GOSR2: variants seen among roughly 807,000 people sequenced by gnomAD.
GOSR2 encodes golgi SNAP receptor complex member 2, also known as 27 kDa Golgi SNARE protein.
In GOSR2, 20 loss-of-function variants were observed where a neutral mutation model predicts 27.9. The observed-to-expected ratio is 0.72, with a 90% CI of 0.50 to 1.04. The LOEUF is 1.04. GOSR2 is among the 50% of genes least tolerant of loss of function. GOSR2 has a pLI of 0.00. For synonymous variants in GOSR2, 91 were observed against 98.8 expected, an observed-to-expected ratio of 0.92 and a Z score of 0.47; for missense variants, 261 against 270.5, an observed-to-expected ratio of 0.97 and a Z score of 0.25.
intron 6 of GOSR2, among the ~76,000 whole-genome samples, chr17:46,959,702 T>C (rs1447181918): frequency 6.6e-6 from 1 of 152,200 alleles, no homozygotes; most frequent in Non-Finnish European, 1.5e-5. Context: ...AGGACATTTC[T>C]TGAGCATTTT....
At position 46,941,898 on chromosome 17, in the gene GOSR2, C is replaced by A; in HGVS notation, c.*3138C>A. ...ACTGTACCTGGCCTCTAAGGTGATT[C>A]TGATGTGTGTATTTTGGAACCACTG... On this transcript the variant is annotated 3_prime_UTR_variant, in exon 6 of 6. Transcript: ENST00000640051. The A allele has an allele frequency of 1.0e-6, 1 of 983,794 alleles. No individual in the cohort carries two copies. The highest frequency in any genetic ancestry group is 1.2e-6 in the Non-Finnish European group (1 of 828,508). 60.9% of individuals were successfully genotyped at this position (983,794 alleles called of 1,614,324 possible). A position where few individuals can be genotyped will look rare whatever the true frequency, so the allele number is the denominator to read the frequency against.
At chr17:46,924,716 G>C (rs2086232475) in intron 1 of GOSR2, among the ~76,000 whole-genome samples, 1 of 152,154 alleles carries the variant, frequency 6.6e-6, no homozygotes, top group Non-Finnish European at 1.5e-5. Context: ...CTTTTACACT[G>C]GGGAGCCCTA....
intron 2 of GOSR2, chr17:46,930,682 T>G (rs1359640032): frequency 7.0e-6 from 1 of 143,574 alleles, no homozygotes; most frequent in Non-Finnish European, 1.5e-5. Flanking sequence ...AAAAAAAAAC[T>G]CATTACTATA....
chr17:46,948,283 C>T (rs1327459766), intron 6 of GOSR2, among the ~76,000 whole-genome samples: 1 of 152,220 alleles, frequency 6.6e-6, no homozygotes, highest in Non-Finnish European at 1.5e-5. Context: ...AAAGTGCCTA[C>T]TGCACAGCCC....
chr17:46,970,690 G>A (rs1440564187), downstream of GOSR2, among the ~76,000 whole-genome samples: 3 of 152,180 alleles, frequency 2.0e-5, no homozygotes, highest in South Asian at 2.1e-4. Context: ...TCACGTGGAC[G>A]GGGGCTCAGA....
chr17:46,935,433 A>C (rs1370491504), intron 5 of GOSR2: 1 of 1,418,812 alleles, frequency 7.0e-7, no homozygotes, highest in African/African-American at 1.4e-5. Context: ...TGAACTTATC[A>C]TGAAAGTGAG....
chr17:46,935,421 A>G (rs1261647143), intron 5 of GOSR2: 2 of 1,423,560 alleles, frequency 1.4e-6, no homozygotes, highest in Non-Finnish European at 1.8e-6. Flanking sequence ...TTTCCCATTT[A>G]CTGAACTTAT....
At chr17:46,949,666 C>T (rs529467168) in intron 6 of GOSR2, among the ~76,000 whole-genome samples, 1 of 152,322 alleles carries the variant, frequency 6.6e-6, no homozygotes, top group South Asian at 2.1e-4. Flanking sequence ...CACACAGGTA[C>T]AAGGTGCTTA....
At chr17:46,930,495 G>T (rs992742187) in intron 2 of GOSR2, 1 of 152,836 alleles carries the variant, frequency 6.5e-6, no homozygotes, top group African/African-American at 2.4e-5. Flanking sequence ...TACCTCTGTG[G>T]ATTCTTTCCT....
intron 6 of GOSR2, among the ~76,000 whole-genome samples, chr17:46,949,700 A>G (rs1420219550): frequency 5.9e-5 from 9 of 152,352 alleles, no homozygotes; most frequent in Non-Finnish European, 1.0e-4. Context: ...AGTAGTATCT[A>G]CTTACCCTGG....
chr17:46,927,827 C>G (rs1390029843), intron 1 of GOSR2, among the ~76,000 whole-genome samples: 1 of 152,094 alleles, frequency 6.6e-6, no homozygotes, highest in Non-Finnish European at 1.5e-5. Context: ...TCAGAGTGGT[C>G]TTGGCTATTC....
chr17:46,959,751 C>G (rs1254499878), intron 6 of GOSR2, among the ~76,000 whole-genome samples: 1 of 152,160 alleles, frequency 6.6e-6, no homozygotes, highest in Non-Finnish European at 1.5e-5. Flanking sequence ...ATCCCACTCT[C>G]CACTACAAAA....
At chr17:46,953,885 TG>T (rs1242025357) in intron 6 of GOSR2, among the ~76,000 whole-genome samples, 1 of 152,248 alleles carries the variant, frequency 6.6e-6, no homozygotes, top group South Asian at 2.1e-4. Flanking sequence ...TTGATGGGGT[TG>T]TTTTTTTCTT....
At chr17:46,960,872 A>G (rs1412137565) in intron 6 of GOSR2, among the ~76,000 whole-genome samples, 1 of 152,232 alleles carries the variant, frequency 6.6e-6, no homozygotes, top group Admixed American at 6.5e-5. Context: ...GGATTTGGCT[A>G]CAAAGTGGCA....
At chr17:46,933,528 C>T (rs1206935623) in intron 4 of GOSR2, 1 of 152,104 alleles carries the variant, frequency 6.6e-6, no homozygotes. Context: ...ATTAAAAGAC[C>T]TGACGCCTAT....
At chr17:46,962,317 A>G (rs1452833272) in intron 6 of GOSR2, among the ~76,000 whole-genome samples, 3 of 143,090 alleles carry the variant, frequency 2.1e-5, no homozygotes, top group African/African-American at 7.6e-5. Context: ...CAATAGAGTG[A>G]GACTCCATCT....
At chr17:46,964,053 T>G (rs2091209889) in intron 6 of GOSR2, 1 of 152,252 alleles carries the variant, frequency 6.6e-6, no homozygotes, top group South Asian at 2.1e-4. Context: ...CCTCAAGTGA[T>G]TCTCCCACCT....
chr17:46,933,213 G>T (rs2087675422), intron 4 of GOSR2: 1 of 152,206 alleles, frequency 6.6e-6, no homozygotes, highest in Non-Finnish European at 1.5e-5. Context: ...TGCCAGCCTG[G>T]CGTGATGCTG....
At chr17:46,971,185 A>C (rs1039591427), downstream of GOSR2, among the ~76,000 whole-genome samples, 3 of 152,070 alleles carry the variant, frequency 2.0e-5, no homozygotes, top group Non-Finnish European at 2.9e-5. Flanking sequence ...TAACATATAA[A>C]AATGAGCCAG....
Sources: gnomAD v4.1 joint callset for allele counts (sites outside exome capture counted in the v4.1 genomes callset) on GRCh38, gnomAD v4.1.1 for gene constraint, MANE v1.5 for transcripts, NCBI Gene and HGNC (gene_info 2026-07-23, HGNC 2026-07-21) for gene names.